SLC26A7: variants seen among roughly 807,000 people sequenced by gnomAD.
SLC26A7 encodes solute carrier family 26 member 7.
SLC26A7 carries 59 observed loss-of-function variants against 82.5 expected under a neutral mutation model. The ratio of observed to expected loss-of-function variants is 0.72; its 90% CI spans 0.58 to 0.89. SLC26A7 has a LOEUF of 0.89. Among genes scored for constraint, SLC26A7 ranks in the 40% least tolerant of loss-of-function variants. SLC26A7 has a pLI of 0.00. For missense variants in SLC26A7, 820 were observed against 793.0 expected (o/e 1.03, Z -0.41); for synonymous variants, 271 against 274.3 (o/e 0.99, Z 0.12).
At chr8:91,311,131 G>C (rs541266410) in intron 4 of SLC26A7, among the ~76,000 whole-genome samples, 5 of 152,144 alleles carry the variant, frequency 3.3e-5, no homozygotes, top group Non-Finnish European at 5.9e-5. Context: ...AACAACTTCA[G>C]CAGTTAGAGT....
At position 91,378,901 on chromosome 8, in the gene SLC26A7, A is replaced by C. The variant is rs1294479645; in HGVS notation, c.1675+9068A>C. 2.0e-5 allele frequency among the ~76,000 whole-genome samples: 3 copies of C among 152,244 alleles called. No individual in the cohort carries two copies. In the South Asian group the frequency reaches 6.2e-4, roughly 32 times the overall value. ...AGAGGAAAACTCGTATCATTCACAC[A>C]TGAAATAATTGTTTATTTAAAATAT... On this transcript the variant is annotated intron_variant, in intron 15 of 18. Coordinates refer to ENST00000276609, the MANE Select transcript of SLC26A7 (RefSeq NM_052832.4).
At chr8:91,346,095 C>T (rs1239657502) in intron 9 of SLC26A7, among the ~76,000 whole-genome samples, 1 of 152,134 alleles carries the variant, frequency 6.6e-6, no homozygotes, top group East Asian at 1.9e-4. Context: ...TATTCATCAG[C>T]CTCCAAAAGA....
At chr8:91,369,954 T>C (rs1814307743) in intron 15 of SLC26A7, 121 bp downstream of exon 15, 1 of 786,356 alleles carries the variant, frequency 1.3e-6, no homozygotes, top group Non-Finnish European at 2.1e-6. Context: ...CTTCTTTTTC[T>C]CTCCTAATTG....
intron 4 of SLC26A7, among the ~76,000 whole-genome samples, chr8:91,316,889 C>A (rs1471254089): frequency 6.9e-6 from 1 of 144,942 alleles, no homozygotes; most frequent in Non-Finnish European, 1.5e-5. Flanking sequence ...TATGGTGGCT[C>A]TCATCTGTAA....
chr8:91,357,190 AG>A (rs2130862846), intron 11 of SLC26A7: 1 of 152,278 alleles, frequency 6.6e-6, no homozygotes, highest in African/African-American at 2.4e-5. Flanking sequence ...TGCCCCTAAA[AG>A]CTCTTACCAG....
At chr8:91,337,234 A>G (rs1813268064) in intron 6 of SLC26A7, among the ~76,000 whole-genome samples, 1 of 152,166 alleles carries the variant, frequency 6.6e-6, no homozygotes, top group African/African-American at 2.4e-5. Context: ...AAACCTATAC[A>G]ATTATATTAT....
intron 5 of SLC26A7, among the ~76,000 whole-genome samples, chr8:91,322,153 A>G (rs566972348): frequency 3.9e-5 from 6 of 152,206 alleles, no homozygotes; most frequent in Non-Finnish European, 7.3e-5. Context: ...TGTGTATTTT[A>G]ATGACTTTAG....
At chr8:91,281,260 CTTGT>C (rs1467704284) in intron 2 of SLC26A7, among the ~76,000 whole-genome samples, 7 of 152,120 alleles carry the variant, frequency 4.6e-5, no homozygotes, top group African/African-American at 1.7e-4. Flanking sequence ...AAGTCTGAGA[CTTGT>C]TTTTCGTGTG....
intron 15 of SLC26A7, among the ~76,000 whole-genome samples, chr8:91,381,034 A>G (rs1814657710): frequency 6.6e-6 from 1 of 152,220 alleles, no homozygotes; most frequent in Admixed American, 6.5e-5. Flanking sequence ...AAAGCAAGAC[A>G]AATGAAAACA....
chr8:91,303,212 G>C (rs751805811), intron 4 of SLC26A7, among the ~76,000 whole-genome samples: 5 of 152,186 alleles, frequency 3.3e-5, no homozygotes, highest in Non-Finnish European at 7.4e-5. Flanking sequence ...TAGCATTTCT[G>C]CTGGGGACAC....
In SLC26A7 at chr8:91,267,981, C is replaced by A. The variant is rs952645339; in HGVS notation, c.193+18137C>A. 1.8e-4 allele frequency among the ~76,000 whole-genome samples: 28 copies of A among 151,576 alleles called. No homozygotes were observed. In the Middle Eastern group the frequency reaches 0.01, roughly 55 times the overall value. ...ATTTGTGTTAAGGAATTTTTAATTA[C>A]CTTTTAAATTTCTTCATTGATGCAT... On this transcript the variant is annotated intron_variant, in intron 2 of 18. Transcript: ENST00000276609.
intron 4 of SLC26A7, among the ~76,000 whole-genome samples, chr8:91,312,117 C>T (rs150870776): frequency 8.5e-5 from 13 of 152,226 alleles, no homozygotes; most frequent in Admixed American, 1.3e-4. Context: ...ACTGCCGTTC[C>T]TCACTTCCTC....
intron 4 of SLC26A7, among the ~76,000 whole-genome samples, chr8:91,305,736 C>T (rs1812286676): frequency 6.6e-6 from 1 of 151,454 alleles, no homozygotes; most frequent in Non-Finnish European, 1.5e-5. Context: ...ATATATTACA[C>T]AAAACTTAGA....
chr8:91,345,506 A>G (rs1390121093), intron 9 of SLC26A7, among the ~76,000 whole-genome samples: 1 of 152,228 alleles, frequency 6.6e-6, no homozygotes, highest in East Asian at 1.9e-4. Flanking sequence ...ATGCTTGAGC[A>G]CTAAATGTCC....
chr8:91,246,566 C>A (rs1433078027), upstream of SLC26A7, among the ~76,000 whole-genome samples: 1 of 151,952 alleles, frequency 6.6e-6, no homozygotes, highest in East Asian at 1.9e-4. Context: ...TAGAAATAGA[C>A]TAGTGCACCT....
intron 9 of SLC26A7, chr8:91,348,243 C>CT: frequency 2.6e-6 from 2 of 766,560 alleles, no homozygotes; most frequent in Non-Finnish European, 3.2e-6. Flanking sequence ...TCATCTCTCT[C>CT]TTTTTTTCTT....
chr8:91,375,567 G>A (rs1410394434), intron 15 of SLC26A7, among the ~76,000 whole-genome samples: 2 of 151,416 alleles, frequency 1.3e-5, no homozygotes, highest in African/African-American at 4.9e-5. Context: ...AAACTCTTCT[G>A]GCTTGTAATA....
intron 4 of SLC26A7, among the ~76,000 whole-genome samples, chr8:91,299,723 A>G (rs553836658): frequency 7.2e-5 from 11 of 152,286 alleles, no homozygotes; most frequent in Non-Finnish European, 1.3e-4. Context: ...AGGACTAGTC[A>G]AGCTTTGTAT....
intron 2 of SLC26A7, among the ~76,000 whole-genome samples, chr8:91,242,271 A>G (rs1810485116): frequency 1.3e-5 from 2 of 152,158 alleles, no homozygotes; most frequent in Admixed American, 1.3e-4. Flanking sequence ...CTTTGATATG[A>G]GCTCTCCATA....
Sources: allele counts gnomAD v4.1 joint callset (sites outside exome capture counted in the v4.1 genomes callset), GRCh38; gene constraint gnomAD v4.1.1; transcripts MANE v1.5; gene names NCBI Gene and HGNC (gene_info 2026-07-23, HGNC 2026-07-21).